FUT8: variants seen among roughly 807,000 people sequenced by gnomAD.
FUT8 encodes the protein fucosyltransferase 8, also known as alpha-(1,6)-fucosyltransferase.
A neutral mutation model predicts 71.3 loss-of-function variants in FUT8; 29 were observed. The ratio of observed to expected loss-of-function variants is 0.41; its 90% CI spans 0.30 to 0.55. The LOEUF (loss-of-function observed/expected upper bound fraction) is 0.55. Among genes scored for constraint, FUT8 ranks in the 20% least tolerant of loss-of-function variants. The pLI, the probability that FUT8 is intolerant of heterozygous loss-of-function variation, is 0.34. For synonymous variants in FUT8, 254 were observed against 239.3 expected, an observed-to-expected ratio of 1.06 and a Z score of -0.57; for missense variants, 544 against 702.1, an observed-to-expected ratio of 0.77 and a Z score of 2.55.
chr14:65,633,549 G>A (rs538332790), intron 6 of FUT8, among the ~76,000 whole-genome samples: 115 of 149,812 alleles, frequency 7.7e-4, no homozygotes, highest in African/African-American at 2.6e-3. Context: ...GCCTCTTCCC[G>A]GCCACCATCC....
At chr14:65,446,697 A>G in intron 1 of FUT8, among the ~76,000 whole-genome samples, 1 of 114,016 alleles carries the variant, frequency 8.8e-6, no homozygotes, top group Non-Finnish European at 1.8e-5. Flanking sequence ...TTTTTTTAAC[A>G]TGTTTAGATT....
chr14:65,580,264 C>T (rs1326520098), intron 3 of FUT8, among the ~76,000 whole-genome samples: 2 of 151,294 alleles, frequency 1.3e-5, no homozygotes, highest in Non-Finnish European at 2.9e-5. Flanking sequence ...CAAACTTGTA[C>T]AGCATGTTGC....
At chr14:65,586,813 C>CT (rs1456565996) in intron 3 of FUT8, among the ~76,000 whole-genome samples, 14 of 152,194 alleles carry the variant, frequency 9.2e-5, no homozygotes, top group Admixed American at 8.5e-4. Context: ...ATAATTTCCT[C>CT]TAATTTTGTA....
At chr14:65,543,335 A>G (rs977788937) in intron 2 of FUT8, among the ~76,000 whole-genome samples, 1 of 152,036 alleles carries the variant, frequency 6.6e-6, no homozygotes, top group South Asian at 2.1e-4. Flanking sequence ...TTTGCTTGGG[A>G]TTTTGAATAT....
chr14:65,501,375 TAAG>T (rs781401967), intron 2 of FUT8, among the ~76,000 whole-genome samples: 8 of 152,202 alleles, frequency 5.3e-5, no homozygotes, highest in Admixed American at 1.3e-4. Flanking sequence ...GAGGGGGAAA[TAAG>T]AACTTGGAGT....
chr14:65,515,627 C>T (rs10135969), intron 2 of FUT8, among the ~76,000 whole-genome samples: 126,377 of 152,028 alleles, frequency 0.83, 52,766 homozygotes, highest in East Asian at 1. Flanking sequence ...TCAGGACTCA[C>T]AAACAAATCA....
At position 65,616,060 on chromosome 14, in the gene FUT8, C is replaced by G. The variant is rs1251951605; in HGVS notation, c.286C>G (p.Gln96Glu). Residue 96 changes from glutamine (Q) to glutamate (E), a missense_variant, in exon 4 of 11, where the codon CAG becomes GAG. By Grantham distance (29) the Gln-to-Glu change is conservative. Coordinates refer to ENST00000673929, the MANE Select transcript of FUT8 (RefSeq NM_001371533.1). ...AGAGCAGCTTGTTAAGGCCAAAGAA[C>G]AGATTGAAAATTACAAGAAACAGAC... ...LEEQLVKAKE[Q>E]IENYKKQTRN... The G allele has an allele frequency of 6.2e-7, 1 of 1,613,830 alleles. No homozygotes were observed. The highest frequency in any genetic ancestry group is 8.5e-7 in the Non-Finnish European group (1 of 1,179,900).
intron 2 of FUT8, among the ~76,000 whole-genome samples, chr14:65,530,122 C>T (rs532769292): frequency 6.6e-6 from 1 of 152,122 alleles, no homozygotes; most frequent in Non-Finnish European, 1.5e-5. Context: ...GTAACTCTCT[C>T]ACTTCAGGAA....
At chr14:65,499,576 G>A (rs1355807762) in intron 2 of FUT8, among the ~76,000 whole-genome samples, 1 of 152,098 alleles carries the variant, frequency 6.6e-6, no homozygotes, top group Non-Finnish European at 1.5e-5. Flanking sequence ...CACTTTGGGA[G>A]GCCGAGGTGG....
chr14:65,742,077 T>G lies in FUT8; in HGVS notation c.1411-16T>G. 1 of 1,602,978 alleles carries G rather than the reference T, an allele frequency of 6.2e-7. No homozygotes were observed. Among genetic ancestry groups the G allele is most frequent in the Non-Finnish European group, 8.5e-7 (1 of 1,173,178 alleles). On this transcript the variant is annotated splice_polypyrimidine_tract_variant and intron_variant, in intron 10 of 10. Transcript: ENST00000673929. ...GTGTTTATATACTAACAATTTCTTT[T>G]AAATTCTTTCCCAAGGTCTGTCGAG...
In FUT8 at chr14:65,594,112, A is replaced by G. The variant is rs374958501; in HGVS notation, c.204-21866A>G. On this transcript the variant is annotated intron_variant, in intron 3 of 10. Transcript: ENST00000673929. ...AATTAGTGAAAAACTGATGCAGGAT[A>G]TTTTCTTGACCCCTTTGTGGGGTGT... is the stretch of plus-strand genomic sequence containing the variant. Among the ~76,000 whole-genome samples the G allele has an allele frequency of 2.4e-4, 37 of 152,276 alleles. 1 individual carries two copies. The East Asian group carries it at 2.7e-3, about 11-fold the overall frequency.
At chr14:65,697,990 T>C (rs1894082112) in intron 7 of FUT8, among the ~76,000 whole-genome samples, 1 of 136,264 alleles carries the variant, frequency 7.3e-6, no homozygotes, top group Non-Finnish European at 1.6e-5. Flanking sequence ...AAACTCCATC[T>C]CAAAAAAAAA....
chr14:65,720,101 C>T (rs1895335799), intron 7 of FUT8, among the ~76,000 whole-genome samples: 1 of 151,702 alleles, frequency 6.6e-6, no homozygotes, highest in Admixed American at 6.5e-5. Context: ...ATCTGGGAGC[C>T]AGCATCTGGA....
intron 7 of FUT8, among the ~76,000 whole-genome samples, chr14:65,711,754 A>G (rs994901527): frequency 2.0e-5 from 3 of 152,100 alleles, no homozygotes; most frequent in Admixed American, 6.6e-5. Flanking sequence ...TTTTACTGCC[A>G]TTTATTCAGG....
intron 6 of FUT8, among the ~76,000 whole-genome samples, chr14:65,651,074 C>A (rs1033339935): frequency 3.3e-5 from 5 of 152,192 alleles, no homozygotes; most frequent in African/African-American, 1.2e-4. Flanking sequence ...TTGCAGCCCT[C>A]CCCAATGGAT....
intron 7 of FUT8, among the ~76,000 whole-genome samples, chr14:65,692,570 C>A (rs1893719715): frequency 6.7e-6 from 1 of 149,790 alleles, no homozygotes; most frequent in African/African-American, 2.5e-5. Flanking sequence ...ACCCCCCGCA[C>A]CTCCCTCCCG....
chr14:65,496,356 C>A (rs2066559014), intron 2 of FUT8, among the ~76,000 whole-genome samples: 1 of 152,200 alleles, frequency 6.6e-6, no homozygotes, highest in African/African-American at 2.4e-5. Context: ...GCCCTTCTTT[C>A]ACTTTTAGTC....
In FUT8 at chr14:65,472,667, T is replaced by A. The variant is rs2066166308; in HGVS notation, c.-228+16949T>A. ...AGTATACTGATGATGCTGAGGATGG[T>A]TATTAAAGCCCTATGCTGATACTTT... is the stretch of plus-strand genomic sequence containing the variant. On this transcript the variant is annotated intron_variant, in intron 2 of 10. Coordinates refer to ENST00000673929, the MANE Select transcript of FUT8 (RefSeq NM_001371533.1). The surrounding 1 kb of genome is among the most constrained non-coding windows in gnomAD (Gnocchi z 4.4). Among the ~76,000 whole-genome samples the A allele has an allele frequency of 6.6e-6, 1 of 152,150 alleles. No individual in the cohort carries two copies. The highest frequency in any genetic ancestry group is 1.9e-4 in the East Asian group (1 of 5,204).
chr14:65,375,020 G>C, the FUT8 span, among the ~76,000 whole-genome samples: 1 of 152,094 alleles, frequency 6.6e-6, no homozygotes, highest in Non-Finnish European at 1.5e-5. Context: ...TTTGTTCATT[G>C]TAATTGGCTT....
Sources: allele counts gnomAD v4.1 joint callset (sites outside exome capture counted in the v4.1 genomes callset), GRCh38; gene constraint gnomAD v4.1.1; non-coding constraint Gnocchi (gnomAD v3.1); transcripts MANE v1.5; gene names NCBI Gene and HGNC (gene_info 2026-07-23, HGNC 2026-07-21).